SDK1: variants seen among roughly 807,000 people sequenced by gnomAD.
SDK1 encodes sidekick cell adhesion molecule 1.
A neutral mutation model predicts 245.5 loss-of-function variants in SDK1; 157 were observed. The observed-to-expected ratio is 0.64, with a 90% CI of 0.56 to 0.73. SDK1 has a LOEUF of 0.73. Ranked by LOEUF, SDK1 falls within the 30% of genes least tolerant of loss-of-function variation. SDK1 has a pLI of 0.00. For missense variants in SDK1, 3,583 were observed against 3,002.3 expected, an observed-to-expected ratio of 1.19 and a Z score of -4.52; for synonymous variants, 1,647 against 1,278.5, an observed-to-expected ratio of 1.29 and a Z score of -6.15.
chr7:3,747,853 G>T (rs1779670157), intron 4 of SDK1, among the ~76,000 whole-genome samples: 1 of 152,216 alleles, frequency 6.6e-6, no homozygotes, highest in African/African-American at 2.4e-5. Context: ...CTGGAGGCTG[G>T]AGCAGAGAGA....
chr7:3,566,924 G>T (rs2128628125), intron 1 of SDK1, among the ~76,000 whole-genome samples: 1 of 152,290 alleles, frequency 6.6e-6, no homozygotes, highest in South Asian at 2.1e-4. Flanking sequence ...GTAGATACAA[G>T]TGGGGATGTG....
chr7:4,129,746 C>T (rs1784667317), intron 26 of SDK1, 162 bp from the exon 27 acceptor site: 11 of 1,438,472 alleles, frequency 7.6e-6, no homozygotes, highest in Middle Eastern at 2.5e-4. Context: ...TCCCCAAATG[C>T]CAGCATGGAC....
At chr7:3,690,502 C>A in intron 4 of SDK1, among the ~76,000 whole-genome samples, 1 of 151,776 alleles carries the variant, frequency 6.6e-6, no homozygotes, top group South Asian at 2.1e-4. Context: ...AAAATAAACC[C>A]ACTGGATAGC....
At chr7:4,216,919 C>A (rs892561807) in intron 38 of SDK1, among the ~76,000 whole-genome samples, 5 of 152,156 alleles carry the variant, frequency 3.3e-5, no homozygotes, top group Non-Finnish European at 5.9e-5. Flanking sequence ...CCCCGTCACT[C>A]TAGGGAACAC....
chr7:4,254,691 A>C (rs1562485143), intron 44 of SDK1, among the ~76,000 whole-genome samples: 1 of 145,694 alleles, frequency 6.9e-6, no homozygotes, highest in South Asian at 2.2e-4. Flanking sequence ...AAAACAGATC[A>C]TTTTTGGTCA....
intron 4 of SDK1, among the ~76,000 whole-genome samples, chr7:3,812,892 G>C (rs1006750324): frequency 6.6e-6 from 1 of 152,192 alleles, no homozygotes; most frequent in Admixed American, 6.5e-5. Flanking sequence ...AACTCAGCTA[G>C]TGGTTTCTGT....
chr7:3,992,217 G>C (rs1240705355), intron 14 of SDK1, among the ~76,000 whole-genome samples: 2 of 152,330 alleles, frequency 1.3e-5, no homozygotes, highest in Non-Finnish European at 2.9e-5. Flanking sequence ...CTGCAGAAGG[G>C]CCTCTTCCGA....
At chr7:3,833,708 G>T (rs1416084427) in intron 5 of SDK1, among the ~76,000 whole-genome samples, 1 of 152,190 alleles carries the variant, frequency 6.6e-6, no homozygotes, top group Non-Finnish European at 1.5e-5. Context: ...AATGCCACAT[G>T]CAAAAATGGT....
At chr7:4,193,809 T>C (rs891218686) in intron 35 of SDK1, among the ~76,000 whole-genome samples, 32 of 152,166 alleles carry the variant, frequency 2.1e-4, no homozygotes, top group Non-Finnish European at 8.8e-5. Context: ...CCTGAGTTCA[T>C]CATTTTCTTT....
chr7:3,704,896 T>C (rs1319392206), intron 4 of SDK1, among the ~76,000 whole-genome samples: 1 of 152,232 alleles, frequency 6.6e-6, no homozygotes, highest in Non-Finnish European at 1.5e-5. Context: ...AGTTTCATTC[T>C]TCTACATGTG....
At chr7:3,889,357 G>C (rs1310607177) in intron 5 of SDK1, among the ~76,000 whole-genome samples, 1 of 152,198 alleles carries the variant, frequency 6.6e-6, no homozygotes, top group Non-Finnish European at 1.5e-5. Context: ...CTACAGTTGG[G>C]CTCTCCCAGG....
intron 1 of SDK1, among the ~76,000 whole-genome samples, chr7:3,532,940 G>GA (rs1783398573): frequency 6.6e-6 from 1 of 152,048 alleles, no homozygotes; most frequent in African/African-American, 2.4e-5. Context: ...TCGGCACTCA[G>GA]AAAAAAGTAG....
At chr7:3,774,914 G>C (rs1015245396) in intron 4 of SDK1, among the ~76,000 whole-genome samples, 2 of 152,164 alleles carry the variant, frequency 1.3e-5, no homozygotes, top group African/African-American at 4.8e-5. Flanking sequence ...GCATTCCTGT[G>C]AGGGAAGCCT....
At position 4,265,984 on chromosome 7, in the gene SDK1, C is replaced by G; in HGVS notation, c.*600C>G. 1 of 985,602 alleles carries G rather than the reference C, an allele frequency of 1.0e-6. No individual in the cohort carries two copies. Among genetic ancestry groups the G allele is most frequent in the African/African-American group, 1.7e-5 (1 of 57,376 alleles). The allele number at this position is 985,602 out of a possible 1,614,324, so 61.1% of individuals were successfully genotyped here. A position where few individuals can be genotyped will look rare whatever the true frequency, so the allele number is the denominator to read the frequency against. On this transcript the variant is annotated 3_prime_UTR_variant, in exon 45 of 45. Transcript: ENST00000404826. ...AAGGAGTCGGCTTTCAGGTTCCTGA[C>G]GGCCAGGCAGGGATGCTAAGGTGTG...
chr7:3,634,673 T>A (rs1782399683), intron 2 of SDK1, among the ~76,000 whole-genome samples: 1 of 152,236 alleles, frequency 6.6e-6, no homozygotes, highest in East Asian at 1.9e-4. Context: ...TTACAATGAA[T>A]ATTCCCATCT....
intron 14 of SDK1, among the ~76,000 whole-genome samples, chr7:4,000,828 T>C (rs938474754): frequency 6.6e-6 from 1 of 152,220 alleles, no homozygotes; most frequent in Non-Finnish European, 1.5e-5. Context: ...CTTTGGGCTT[T>C]TGCTTTTTAA....
chr7:4,022,526 T>G (rs554465306), intron 17 of SDK1, among the ~76,000 whole-genome samples: 1 of 152,126 alleles, frequency 6.6e-6, no homozygotes, highest in African/African-American at 2.4e-5. Flanking sequence ...AGCATATGCC[T>G]GGGCTGAGGG....
intron 5 of SDK1, among the ~76,000 whole-genome samples, chr7:3,823,418 A>G (rs1779695290): frequency 6.6e-6 from 1 of 152,212 alleles, no homozygotes; most frequent in African/African-American, 2.4e-5. Context: ...GAATTATTCC[A>G]CTGAAACTGT....
chr7:4,174,142 CAG>C (rs558871969), intron 32 of SDK1, 78 bp from the exon 33 acceptor site: 90 of 1,492,816 alleles, frequency 6.0e-5, no homozygotes, highest in South Asian at 3.6e-4. Flanking sequence ...GCTAGTTAAA[CAG>C]GGGTGGAGGT....
Sources: allele counts gnomAD v4.1 joint callset (sites outside exome capture counted in the v4.1 genomes callset), GRCh38; gene constraint gnomAD v4.1.1; transcripts MANE v1.5; gene names NCBI Gene and HGNC (gene_info 2026-07-23, HGNC 2026-07-21).